The following ABHD12B variants were observed in gnomAD, a reference collection of about 807,000 sequenced individuals.
ABHD12B encodes the protein protein ABHD12B.
A neutral mutation model predicts 50.4 loss-of-function variants in ABHD12B; 42 were observed. That is an observed-to-expected ratio of 0.83 (90% confidence interval 0.65 to 1.08). The LOEUF (loss-of-function observed/expected upper bound fraction) is 1.08. Among genes scored for constraint, ABHD12B ranks in the 50% least tolerant of loss-of-function variants. ABHD12B has a pLI of 0.00. For missense variants in ABHD12B, 479 were observed against 447.7 expected, an observed-to-expected ratio of 1.07 and a Z score of -0.63; for synonymous variants, 167 against 160.3, an observed-to-expected ratio of 1.04 and a Z score of -0.32.
chr14:50,882,610 G>C (rs1022325723), intron 5 of ABHD12B, among the ~76,000 whole-genome samples: 3 of 151,562 alleles, frequency 2.0e-5, no homozygotes, highest in Admixed American at 2.0e-4. Flanking sequence ...TCGATCTCCT[G>C]ACCTCGTGAT....
chr14:50,899,286 G>T (rs762654441), intron 9 of ABHD12B, among the ~76,000 whole-genome samples: 30 of 152,334 alleles, frequency 2.0e-4, no homozygotes, highest in Non-Finnish European at 3.5e-4. Context: ...TTTGTATTTA[G>T]TGGCACTGGC....
Position 50,881,155 on chromosome 14 carries a change from G to A in ABHD12B, c.456-441G>A, listed in dbSNP as rs190067224. ...TCTCCCAGGAGTCTGGCTCCCCTTCGATGTGCTGTCAGAGCCTTTTTGGGC... is the reference window on the plus strand; with the variant it reads ...TCTCCCAGGAGTCTGGCTCCCCTTCAATGTGCTGTCAGAGCCTTTTTGGGC... On this transcript the variant is annotated intron_variant, in intron 4 of 12. Transcript: ENST00000337334. Among the ~76,000 whole-genome samples, 357 of 152,268 alleles carry A rather than the reference G, an allele frequency of 2.3e-3. 2 individuals carry two copies. Among genetic ancestry groups the A allele is most frequent in the African/African-American group, 8.0e-3 (334 of 41,546 alleles).
chr14:50,903,460 G>A lies in ABHD12B; in HGVS notation c.935G>A (p.Gly312Glu). The A allele has an allele frequency of 6.2e-7, 1 of 1,610,838 alleles. No homozygotes were observed. Among genetic ancestry groups the A allele is most frequent in the Non-Finnish European group, 8.5e-7 (1 of 1,178,288 alleles). The change falls in exon 11 of 13, where the codon GGG becomes GAG. Residue 312 changes from glycine to glutamate, a missense_variant. Transcript: ENST00000337334. Reference protein sequence around the residue: ...EDDRTVPLEYGKKLYEIARNA... With the variant: ...EDDRTVPLEYEKKLYEIARNA... The stretch of plus-strand genomic sequence containing the variant: ...GACAGGACAGTGCCTTTGGAGTATG[G>A]GAAAAAGGTAAACTAAGGGCTCAAT...
At position 50,883,886 on chromosome 14, in the gene ABHD12B, C is replaced by T. The variant is rs189016288; in HGVS notation, c.487-1728C>T. ...TATTCATCACTGCAACAGACTAATACAGCTATTTTCATTTATTTGCATTCC... is the reference window on the plus strand; with the variant it reads ...TATTCATCACTGCAACAGACTAATATAGCTATTTTCATTTATTTGCATTCC... On this transcript the variant is annotated intron_variant, in intron 5 of 12. Coordinates refer to ENST00000337334, the MANE Select transcript of ABHD12B (RefSeq NM_001206673.2). 1.6e-3 allele frequency among the ~76,000 whole-genome samples: 242 copies of T among 152,312 alleles called. 1 individual carries two copies. Among genetic ancestry groups the T allele is most frequent in the African/African-American group, 4.6e-3 (193 of 41,568 alleles).
chr14:50,896,320 A>C (rs770109297), intron 9 of ABHD12B, among the ~76,000 whole-genome samples: 16 of 151,944 alleles, frequency 1.1e-4, no homozygotes, highest in Admixed American at 2.6e-4. Flanking sequence ...ACCACCCCCC[A>C]AAAATTTTCA....
At chr14:50,897,961 G>C (rs1230160419) in intron 9 of ABHD12B, among the ~76,000 whole-genome samples, 1 of 152,224 alleles carries the variant, frequency 6.6e-6, no homozygotes, top group African/African-American at 2.4e-5. Context: ...TTACTGAAGA[G>C]AGAGGCTTTG....
In ABHD12B at chr14:50,882,216, G is replaced by A. The variant is rs927151446; in HGVS notation, c.486+590G>A. Among the ~76,000 whole-genome samples the A allele has an allele frequency of 5.0e-5, 7 of 140,956 alleles. No homozygotes were observed. The South Asian group carries it at 1.6e-3, about 32-fold the overall frequency. 92.5% of individuals were successfully genotyped at this position (140,956 alleles called of 152,430 possible). ...CTCCCAAAGTGCTGGGATTACAGGC[G>A]CGAACCACCTCACCCGGCTGACGTT... On this transcript the variant is annotated intron_variant, in intron 5 of 12. Coordinates refer to ENST00000337334, the MANE Select transcript of ABHD12B (RefSeq NM_001206673.2).
chr14:50,902,161 C>T (rs1402352455), intron 10 of ABHD12B, among the ~76,000 whole-genome samples: 4 of 151,724 alleles, frequency 2.6e-5, no homozygotes, highest in African/African-American at 7.3e-5. Flanking sequence ...AATTCATAAA[C>T]GAAGTTGTAT....
chr14:50,878,418 T>A (rs961585204), intron 2 of ABHD12B, among the ~76,000 whole-genome samples: 2 of 152,244 alleles, frequency 1.3e-5, no homozygotes, highest in African/African-American at 4.8e-5. Flanking sequence ...CTTATTATTT[T>A]CTTCTAGGCC....
intron 9 of ABHD12B, among the ~76,000 whole-genome samples, chr14:50,889,769 C>T (rs571481059): frequency 3.3e-5 from 5 of 152,166 alleles, no homozygotes; most frequent in East Asian, 1.9e-4. Context: ...AGAGAGAGAG[C>T]GAAAGTCTTA....
At chr14:50,886,316 G>A (rs760136232) in intron 7 of ABHD12B, among the ~76,000 whole-genome samples, 6 of 151,862 alleles carry the variant, frequency 4.0e-5, no homozygotes, top group Non-Finnish European at 8.8e-5. Flanking sequence ...GTGCGTGCCT[G>A]TAATCCCAGC....
At chr14:50,873,983 T>A (rs1471722312) in intron 1 of ABHD12B, among the ~76,000 whole-genome samples, 2 of 152,204 alleles carry the variant, frequency 1.3e-5, no homozygotes, top group Non-Finnish European at 2.9e-5. Flanking sequence ...GATTATTGGC[T>A]ACCATAAGAT....
At chr14:50,880,071 T>G (rs1000752141) in intron 3 of ABHD12B, among the ~76,000 whole-genome samples, 1 of 152,264 alleles carries the variant, frequency 6.6e-6, no homozygotes, top group African/African-American at 2.4e-5. Flanking sequence ...AATTATTTCC[T>G]ACTTATCTCT....
At chr14:50,881,111 C>G (rs749863569) in intron 4 of ABHD12B, among the ~76,000 whole-genome samples, 1 of 152,226 alleles carries the variant, frequency 6.6e-6, no homozygotes, top group African/African-American at 2.4e-5. Context: ...GTCCCAACCT[C>G]GCTCTGTAAC....
At chr14:50,904,030 A>G (rs1274351687) in intron 11 of ABHD12B, 44 bp from the exon 12 acceptor site, 2 of 1,503,802 alleles carry the variant, frequency 1.3e-6, no homozygotes, top group Admixed American at 1.8e-5. Flanking sequence ...AAAAATCTAC[A>G]GCTTTGAATG....
intron 9 of ABHD12B, among the ~76,000 whole-genome samples, chr14:50,898,396 T>C (rs1342482103): frequency 6.6e-6 from 1 of 152,234 alleles, no homozygotes; most frequent in Non-Finnish European, 1.5e-5. Flanking sequence ...GTCTAGTTGT[T>C]GTTTTCAGTA....
In ABHD12B at chr14:50,897,817, A is replaced by G. The variant is rs191107548; in HGVS notation, c.781-4012A>G. ...TGTGAAGACTGAATTAAGTAAGATAATGTATGTAAAGTACCCAGCTGCTAG... is the reference window on the plus strand; with the variant it reads ...TGTGAAGACTGAATTAAGTAAGATAGTGTATGTAAAGTACCCAGCTGCTAG... On this transcript the variant is annotated intron_variant, in intron 9 of 12. Transcript: ENST00000337334. Among the ~76,000 whole-genome samples, 14 of 152,358 alleles carry G rather than the reference A, an allele frequency of 9.2e-5. No homozygotes were observed. In the East Asian group the frequency reaches 2.3e-3, roughly 25 times the overall value.
chr14:50,904,422 GTA>G lies in ABHD12B; in HGVS notation c.*60_*61del, dbSNP rs2050305122. 44 of 1,609,024 alleles carry G rather than the reference GTA, an allele frequency of 2.7e-5. No homozygotes were observed. The highest frequency in any genetic ancestry group is 3.5e-5 in the Non-Finnish European group (41 of 1,176,764). On this transcript the variant is annotated 3_prime_UTR_variant, in exon 13 of 13. Coordinates refer to ENST00000337334, the MANE Select transcript of ABHD12B (RefSeq NM_001206673.2). ...ACTTGGCCCAAACACCACCTGTGAT[GTA>G]TATTGTTCTAATGTAAAATTGTACT...
chr14:50,893,987 A>G (rs1298564276), intron 9 of ABHD12B, among the ~76,000 whole-genome samples: 3 of 152,268 alleles, frequency 2.0e-5, no homozygotes, highest in African/African-American at 4.8e-5. Context: ...TTGCAGGGAC[A>G]CCTCTCTGAT....
Sources: allele counts gnomAD v4.1 joint callset (sites outside exome capture counted in the v4.1 genomes callset), GRCh38; gene constraint gnomAD v4.1.1; transcripts MANE v1.5; gene names NCBI Gene and HGNC (gene_info 2026-07-23, HGNC 2026-07-21).